The following IQSEC2 variants were observed in gnomAD, a reference collection of about 807,000 sequenced individuals.
The protein encoded by IQSEC2 is IQ motif and SEC7 domain-containing protein 2.
A neutral mutation model predicts 74.6 loss-of-function variants in IQSEC2; 6 were observed. The ratio of observed to expected loss-of-function variants is 0.08; its 90% CI spans 0.04 to 0.16. The LOEUF (loss-of-function observed/expected upper bound fraction) is 0.16, where lower values mean the gene tolerates loss of function less well. Among genes scored for constraint, IQSEC2 ranks in the 10% least tolerant of loss-of-function variants. The pLI is 1.00. For synonymous variants in IQSEC2, 494 were observed against 544.5 expected, an observed-to-expected ratio of 0.91 and a Z score of 1.29; for missense variants, 734 against 1,306.2, an observed-to-expected ratio of 0.56 and a Z score of 6.75.
At position 53,255,949 on chromosome X, in the gene IQSEC2, G is replaced by T. The variant is rs782531514; in HGVS notation, c.850C>A (p.Pro284Thr). Residue 284 changes from proline to threonine, a missense_variant, in exon 3 of 15, where the codon CCC becomes ACC. Pro to Thr is a conservative substitution (Grantham distance 38). Transcript: ENST00000642864. ...LPPSSSHMGG[P>T]PAGVGLPWAQ... The stretch of plus-strand genomic sequence containing the variant: ...CAGGGAAGGCCCACTCCAGCAGGGG[G>T]GCCCCCCATGTGGCTGCTGGAGGGG... 2.5e-6 allele frequency: 3 copies of T among 1,198,689 alleles called. No homozygotes were observed. In the South Asian group the frequency reaches 5.4e-5, roughly 22 times the overall value.
chrX:53,248,584 G>C, intron 6 of IQSEC2, 137 bp downstream of exon 6: 3 of 683,425 alleles, frequency 4.4e-6, no homozygotes, highest in Non-Finnish European at 6.6e-6. Flanking sequence ...GGGCAGAAGG[G>C]TACAGGGGCA....
At chrX:53,272,035 C>T (rs1556868743) in intron 2 of IQSEC2, among the ~76,000 whole-genome samples, 2 of 111,048 alleles carry the variant, frequency 1.8e-5, no homozygotes, top group Admixed American at 9.6e-5. Flanking sequence ...AATAACATCC[C>T]GTTTCTTTTC....
At chrX:53,316,402 A>G (rs1228162522) in intron 1 of IQSEC2, among the ~76,000 whole-genome samples, 1 of 111,276 alleles carries the variant, frequency 9.0e-6, no homozygotes, top group African/African-American at 3.3e-5. Context: ...CAAAGGAGAG[A>G]CTTCCCTGAG....
chrX:53,262,629 G>T (rs2074585838), intron 2 of IQSEC2, among the ~76,000 whole-genome samples: 1 of 112,034 alleles, frequency 8.9e-6, no homozygotes, highest in Non-Finnish European at 1.9e-5. Context: ...GGGGACTGCA[G>T]CCACCTCTCC....
At chrX:53,291,793 G>T in intron 2 of IQSEC2, 102 bp downstream of exon 2, 1 of 727,468 alleles carries the variant, frequency 1.4e-6, no homozygotes, top group Non-Finnish European at 2.0e-6. Context: ...CCCTTGAGTT[G>T]GCCCCTCCCC....
At chrX:53,308,895 C>T (rs2075293495) in intron 1 of IQSEC2, among the ~76,000 whole-genome samples, 1 of 108,663 alleles carries the variant, frequency 9.2e-6, no homozygotes, top group Non-Finnish European at 1.9e-5. Context: ...CCTAGGAGCT[C>T]GAGACCTAAC....
chrX:53,267,082 G>A (rs1396009326), intron 2 of IQSEC2: 16 of 1,145,325 alleles, frequency 1.4e-5, no homozygotes, highest in South Asian at 2.0e-5. Context: ...CAGGAAGGGC[G>A]GGGTAGAGGC....
intron 1 of IQSEC2, among the ~76,000 whole-genome samples, chrX:53,304,838 A>G (rs1270005547): frequency 8.9e-6 from 1 of 112,171 alleles, no homozygotes; most frequent in Non-Finnish European, 1.9e-5. Flanking sequence ...ATCATAATAA[A>G]GTAATAAGCA....
At position 53,254,522 on chromosome X, in the gene IQSEC2, A is replaced by G. The variant is rs782015454; in HGVS notation, c.1401+8T>C. On this transcript the variant is annotated splice_region_variant and intron_variant, in intron 4 of 14. Transcript: ENST00000642864. ...TGGGGAAGAAAGGTCCTTTTCAGGG[A>G]TCCTGACCTGTTTGGAGAAGGAGTC... 2 of 1,194,132 alleles carry G rather than the reference A, an allele frequency of 1.7e-6. No individual in the cohort carries two copies. Among genetic ancestry groups the G allele is most frequent in the African/African-American group, 3.6e-5 (2 of 56,146 alleles).
chrX:53,245,413 G>A (rs1478098779), intron 8 of IQSEC2, among the ~76,000 whole-genome samples: 1 of 97,999 alleles, frequency 1.0e-5, no homozygotes, highest in African/African-American at 3.7e-5. Context: ...GGGTGAGAGA[G>A]TGAGACCCTG....
At chrX:53,266,867 A>T in intron 2 of IQSEC2, 3 of 921,070 alleles carry the variant, frequency 3.3e-6, no homozygotes, top group Non-Finnish European at 4.2e-6. Flanking sequence ...AGCAGGGGAC[A>T]GGGTCCCATG....
intron 1 of IQSEC2, among the ~76,000 whole-genome samples, chrX:53,294,324 G>T (rs1210574387): frequency 8.9e-6 from 1 of 112,403 alleles, no homozygotes; most frequent in Non-Finnish European, 1.9e-5. Context: ...AGCATCATAT[G>T]ACTCTCAATG....
At chrX:53,243,186 A>C in intron 9 of IQSEC2, 146 bp downstream of exon 9, 1 of 478,640 alleles carries the variant, frequency 2.1e-6, no homozygotes, top group South Asian at 3.2e-5. Flanking sequence ...TTCACTCTGC[A>C]CCACAGCCTT....
At chrX:53,226,088 T>TA, downstream of IQSEC2, 1 of 112,936 alleles carries the variant, frequency 8.9e-6, no homozygotes, top group African/African-American at 3.2e-5. Flanking sequence ...ACAGTGCACT[T>TA]ACCAAACATC....
At chrX:53,265,826 C>T (rs1414831527) in intron 2 of IQSEC2, among the ~76,000 whole-genome samples, 6 of 112,063 alleles carry the variant, frequency 5.4e-5, no homozygotes, top group East Asian at 2.8e-4. Context: ...TAAAAGTAAA[C>T]GATCAAGGAA....
intron 2 of IQSEC2, among the ~76,000 whole-genome samples, chrX:53,268,273 G>C (rs1186338232): frequency 9.0e-6 from 1 of 111,283 alleles, no homozygotes; most frequent in Non-Finnish European, 1.9e-5. Context: ...AACGCAGACA[G>C]GGAAGTGAAG....
chrX:53,243,738 C>T (rs782409685), intron 8 of IQSEC2, among the ~76,000 whole-genome samples: 1 of 112,246 alleles, frequency 8.9e-6, no homozygotes, highest in Non-Finnish European at 1.9e-5. Context: ...GTTTGCCTTC[C>T]TAATTAGCAA....
intron 1 of IQSEC2, among the ~76,000 whole-genome samples, chrX:53,305,311 T>TC (rs2075249830): frequency 9.0e-6 from 1 of 111,139 alleles, no homozygotes; most frequent in African/African-American, 3.3e-5. Context: ...ACTTCTGGGC[T>TC]CAAGTAATCT....
Position 53,317,158 on chromosome X carries a change from T to TG in IQSEC2, c.707+3258dup, listed in dbSNP as rs782215017. 2.4e-3 allele frequency among the ~76,000 whole-genome samples: 266 copies of TG among 111,611 alleles called. 1 individual carries two copies. Among genetic ancestry groups the TG allele is most frequent in the African/African-American group, 8.3e-3 (256 of 30,729 alleles). ...GAGCTATTCTCTAATCAACCAGGCT[T>TG]GGGGGGGTATGTGGACAATTCCAGG... is the stretch of plus-strand genomic sequence containing the variant. On this transcript the variant is annotated intron_variant, in intron 1 of 14. Coordinates refer to ENST00000642864, the MANE Select transcript of IQSEC2 (RefSeq NM_001111125.3).
Sources: gnomAD v4.1 joint callset for allele counts (sites outside exome capture counted in the v4.1 genomes callset) on GRCh38, gnomAD v4.1.1 for gene constraint, MANE v1.5 for transcripts, NCBI Gene and HGNC (gene_info 2026-07-23, HGNC 2026-07-21) for gene names.